ARMC9: variants seen among roughly 807,000 people sequenced by gnomAD.
The protein encoded by ARMC9 is lisH domain-containing protein ARMC9.
ARMC9 carries 94 observed loss-of-function variants against 107.0 expected under a neutral mutation model. That is an observed-to-expected ratio of 0.88 (90% CI 0.74 to 1.04). ARMC9 has a LOEUF of 1.04. Among genes scored for constraint, ARMC9 ranks in the 50% least tolerant of loss-of-function variants. ARMC9 has a pLI of 0.00. For synonymous variants in ARMC9, 380 were observed against 396.9 expected, an observed-to-expected ratio of 0.96 and a Z score of 0.51; for missense variants, 942 against 1,030.1, an observed-to-expected ratio of 0.91 and a Z score of 1.17.
chr2:231,205,001 G>T (rs1294521031), intron 1 of ARMC9, among the ~76,000 whole-genome samples: 2 of 152,086 alleles, frequency 1.3e-5, no homozygotes, highest in East Asian at 1.9e-4. Flanking sequence ...CTTGTTAAAA[G>T]TGTAGAAATT....
At chr2:231,340,917 G>C (rs1293527336) in intron 20 of ARMC9, among the ~76,000 whole-genome samples, 2 of 151,690 alleles carry the variant, frequency 1.3e-5, no homozygotes, top group African/African-American at 4.8e-5. Flanking sequence ...CAAAAAACAA[G>C]TGTAGGGCTG....
rs551416256 is a variant in ARMC9 at position 231,312,389 on chromosome 2, G to A, written c.1773+16136G>A. 2.4e-4 allele frequency among the ~76,000 whole-genome samples: 36 copies of A among 152,346 alleles called. No homozygotes were observed. The Middle Eastern group carries it at 0.01, about 43-fold the overall frequency. On this transcript the variant is annotated intron_variant, in intron 19 of 24. Transcript: ENST00000611582. ...ATTTCTGCCAAATTCTACTGTCAAA[G>A]TCACAAGGCCAGCCCAGTCTCAAAG...
intron 23 of ARMC9, among the ~76,000 whole-genome samples, chr2:231,367,944 C>T (rs2045879969): frequency 6.8e-6 from 1 of 147,120 alleles, no homozygotes; most frequent in Non-Finnish European, 1.5e-5. Flanking sequence ...CGCACCATTG[C>T]ACTACAGCCT....
chr2:231,203,726 G>C (rs1394433838), intron 1 of ARMC9, among the ~76,000 whole-genome samples: 2 of 152,100 alleles, frequency 1.3e-5, no homozygotes, highest in Non-Finnish European at 2.9e-5. Context: ...TTGGGAGGCC[G>C]AGGCAGGTGG....
At chr2:231,328,266 A>G (rs1286050214) in intron 19 of ARMC9, among the ~76,000 whole-genome samples, 2 of 152,130 alleles carry the variant, frequency 1.3e-5, no homozygotes, top group African/African-American at 4.8e-5. Flanking sequence ...GGTATTTTGA[A>G]TGTTGAGTTT....
intron 5 of ARMC9, 102 bp downstream of exon 5, chr2:231,216,895 A>G (rs990459952): frequency 7.7e-7 from 1 of 1,302,562 alleles, no homozygotes; most frequent in Non-Finnish European, 1.1e-6. Context: ...AAAAACTAAA[A>G]TTTGCTTACA....
At chr2:231,366,638 C>A (rs925874317) in intron 23 of ARMC9, among the ~76,000 whole-genome samples, 8 of 151,812 alleles carry the variant, frequency 5.3e-5, no homozygotes, top group African/African-American at 1.9e-4. Flanking sequence ...GTCAGGAGAT[C>A]GAGACCATCC....
intron 4 of ARMC9, among the ~76,000 whole-genome samples, chr2:231,215,582 T>C (rs1321679279): frequency 6.6e-6 from 1 of 152,232 alleles, no homozygotes; most frequent in Admixed American, 6.5e-5. Flanking sequence ...CTGTAGTCCT[T>C]TCCCAGATGG....
At chr2:231,333,337 A>G (rs1251810524) in intron 20 of ARMC9, among the ~76,000 whole-genome samples, 2 of 152,208 alleles carry the variant, frequency 1.3e-5, no homozygotes, top group East Asian at 1.9e-4. Flanking sequence ...CATATCCACT[A>G]CATTTTCACT....
intron 19 of ARMC9, among the ~76,000 whole-genome samples, chr2:231,312,671 G>A (rs1219067516): frequency 6.8e-6 from 1 of 147,978 alleles, no homozygotes. Flanking sequence ...GATCAAAACT[G>A]ACATTTATGT....
intron 19 of ARMC9, among the ~76,000 whole-genome samples, chr2:231,308,288 A>T (rs2042144440): frequency 6.6e-6 from 1 of 152,194 alleles, no homozygotes; most frequent in Non-Finnish European, 1.5e-5. Context: ...GGTGTGTGCT[A>T]TTCTTAGCCC....
chr2:231,373,834 G>A lies in ARMC9; in HGVS notation c.*2299G>A, dbSNP rs1382698221. 2.0e-5 allele frequency: 3 copies of A among 151,562 alleles called. No individual in the cohort carries two copies. Among genetic ancestry groups the A allele is most frequent in the African/African-American group, 7.3e-5 (3 of 41,166 alleles). The allele number at this position is 151,562 out of a possible 1,614,324, so 9.4% of individuals were successfully genotyped here. Reference sequence around the variant, plus strand: ...ACAAGAATAGCTTGAACCGGGAGATGGAAGATGCAGTGAGCCAAGATCACG... The same window carrying A: ...ACAAGAATAGCTTGAACCGGGAGATAGAAGATGCAGTGAGCCAAGATCACG... On this transcript the variant is annotated 3_prime_UTR_variant, in exon 25 of 25. Coordinates refer to ENST00000611582, the MANE Select transcript of ARMC9 (RefSeq NM_001352754.2). The surrounding 1 kb of genome is among the most constrained non-coding windows in gnomAD (Gnocchi z 4.4).
chr2:231,202,928 G>A (rs975089498), intron 1 of ARMC9, among the ~76,000 whole-genome samples: 1 of 152,126 alleles, frequency 6.6e-6, no homozygotes, highest in African/African-American at 2.4e-5. Flanking sequence ...TGCAGCTGCA[G>A]AAAGTTGTAT....
chr2:231,320,853 A>C (rs75310659), intron 19 of ARMC9, among the ~76,000 whole-genome samples: 10,344 of 152,262 alleles, frequency 0.068, 434 homozygotes, highest in Middle Eastern at 0.13. Flanking sequence ...GCAACAGGGA[A>C]CAGGTGGGGC....
intron 13 of ARMC9, among the ~76,000 whole-genome samples, chr2:231,271,352 T>G (rs1309174409): frequency 2.6e-5 from 4 of 152,200 alleles, no homozygotes; most frequent in East Asian, 3.8e-4. Context: ...TTATATTGCT[T>G]TCAAGTATAT....
intron 12 of ARMC9, among the ~76,000 whole-genome samples, chr2:231,265,835 CTG>C (rs1289857694): frequency 2.6e-5 from 4 of 151,930 alleles, no homozygotes; most frequent in African/African-American, 9.7e-5. Flanking sequence ...TGGTGAAACC[CTG>C]TCTCTACTAA....
intron 5 of ARMC9, among the ~76,000 whole-genome samples, chr2:231,218,580 A>C (rs1359843109): frequency 6.6e-6 from 1 of 152,134 alleles, no homozygotes; most frequent in Non-Finnish European, 1.5e-5. Flanking sequence ...AGCTTGACTC[A>C]CTCAGATTTG....
intron 9 of ARMC9, among the ~76,000 whole-genome samples, chr2:231,243,379 C>G (rs1348889037): frequency 2.0e-5 from 3 of 152,156 alleles, no homozygotes; most frequent in African/African-American, 7.2e-5. Flanking sequence ...CACCACTGCA[C>G]TCCAGCCTGG....
Position 231,238,139 on chromosome 2 carries a change from G to A in ARMC9, c.781-1804G>A, listed in dbSNP as rs556109748. Among the ~76,000 whole-genome samples, 11 of 152,002 alleles carry A rather than the reference G, an allele frequency of 7.2e-5. No homozygotes were observed. The South Asian group carries it at 1.7e-3, about 23-fold the overall frequency. Reference sequence around the variant, plus strand: ...GTGGGTTGAGACAGTAAATGCAAGCGGTTCTTTCAAGGACCTTGGCTGTAA... The same window carrying A: ...GTGGGTTGAGACAGTAAATGCAAGCAGTTCTTTCAAGGACCTTGGCTGTAA... On this transcript the variant is annotated intron_variant, in intron 8 of 24. Transcript: ENST00000611582.
Sources: gnomAD v4.1 joint callset for allele counts (sites outside exome capture counted in the v4.1 genomes callset) on GRCh38, gnomAD v4.1.1 for gene constraint, Gnocchi (gnomAD v3.1) non-coding constraint, MANE v1.5 for transcripts, NCBI Gene and HGNC (gene_info 2026-07-23, HGNC 2026-07-21) for gene names.